The following PRKN variants were observed in gnomAD, a reference collection of about 807,000 sequenced individuals.
PRKN encodes parkin RBR E3 ubiquitin protein ligase.
PRKN carries 56 observed loss-of-function variants against 59.5 expected under a neutral mutation model. The ratio of observed to expected loss-of-function variants is 0.94; its 90% CI spans 0.76 to 1.18. PRKN has a LOEUF of 1.18. PRKN is among the 50% of genes most tolerant of loss of function. PRKN has a pLI of 0.00. For synonymous variants in PRKN, 250 were observed against 222.1 expected (o/e 1.13, Z -1.12); for missense variants, 657 against 596.4 (o/e 1.10, Z -1.06).
At chr6:162,526,901 T>C (rs751307359) in intron 1 of PRKN, among the ~76,000 whole-genome samples, 4 of 152,200 alleles carry the variant, frequency 2.6e-5, no homozygotes, top group Admixed American at 2.0e-4. Flanking sequence ...TTAAGACACA[T>C]TGAAAGATGG....
At chr6:162,078,131 C>T (rs979426296) in intron 4 of PRKN, among the ~76,000 whole-genome samples, 27 of 149,296 alleles carry the variant, frequency 1.8e-4, no homozygotes, top group African/African-American at 6.5e-4. Flanking sequence ...TTTATGTTAA[C>T]AGCTCAAACT....
chr6:161,769,136 A>T (rs576302341), intron 7 of PRKN, among the ~76,000 whole-genome samples: 221 of 152,352 alleles, frequency 1.5e-3, no homozygotes, highest in African/African-American at 4.9e-3. Flanking sequence ...ATTAATGTAG[A>T]AAATGTCAAA....
intron 3 of PRKN, among the ~76,000 whole-genome samples, chr6:162,217,120 T>G (rs2128078303): frequency 6.6e-6 from 1 of 152,232 alleles, no homozygotes. Context: ...CTCTCCTTAA[T>G]CAAGGAAAAT....
chr6:162,147,976 C>T (rs2849573), intron 4 of PRKN, among the ~76,000 whole-genome samples: 9,474 of 152,082 alleles, frequency 0.062, 680 homozygotes, highest in East Asian at 0.4. Context: ...TATTTCTATG[C>T]GAAAAAATTA....
rs372402571 is a variant in PRKN at position 161,696,023 on chromosome 6, T to C, written c.871+89749A>G. Among the ~76,000 whole-genome samples the C allele has an allele frequency of 2.0e-4, 31 of 152,256 alleles. 2 individuals are homozygous for C. The South Asian group carries it at 6.0e-3, about 30-fold the overall frequency. The stretch of plus-strand genomic sequence containing the variant: ...ATAGAACATCCAAGCATTACATACG[T>C]CTCTCATTATTCCAAAGCATTACAT... On this transcript the variant is annotated intron_variant, in intron 7 of 11. Coordinates refer to ENST00000366898, the MANE Select transcript of PRKN (RefSeq NM_004562.3).
At chr6:162,490,423 C>T (rs1792755490) in intron 1 of PRKN, among the ~76,000 whole-genome samples, 1 of 152,112 alleles carries the variant, frequency 6.6e-6, no homozygotes, top group Non-Finnish European at 1.5e-5. Flanking sequence ...ATCATGAATA[C>T]AGTCATCTAT....
chr6:162,360,216 C>T (rs958585811), intron 2 of PRKN, among the ~76,000 whole-genome samples: 1 of 152,020 alleles, frequency 6.6e-6, no homozygotes, highest in African/African-American at 2.4e-5. Flanking sequence ...AGTGTTCTTT[C>T]TAATAGTGCA....
chr6:161,664,011 GCTTC>G (rs2128166463), intron 7 of PRKN, among the ~76,000 whole-genome samples: 1 of 152,280 alleles, frequency 6.6e-6, no homozygotes, highest in South Asian at 2.1e-4. Flanking sequence ...TCTGGGGCCC[GCTTC>G]CACACTGATC....
rs987589243 is a variant in PRKN, at chr6:161,371,190, G to T, written c.1168-10985C>A. ...TTGTTATTTTTTTTTTTGAGACGTT[G>T]TTTCGCTCCTGTTGCCCAGGCTGGA... On this transcript the variant is annotated intron_variant, in intron 10 of 11. Transcript: ENST00000366898. The surrounding 1 kb of genome is among the most constrained non-coding windows in gnomAD (Gnocchi z 5.5). Among the ~76,000 whole-genome samples the T allele has an allele frequency of 1.3e-5, 2 of 151,186 alleles. No homozygotes were observed. The highest frequency in any genetic ancestry group is 4.9e-5 in the African/African-American group (2 of 41,114).
rs187458691 is a variant in PRKN at position 161,750,571 on chromosome 6, C to T, written c.871+35201G>A. On this transcript the variant is annotated intron_variant, in intron 7 of 11. Transcript: ENST00000366898. Reference sequence around the variant, plus strand: ...TCACTTGAGATCAGGAGGTTGAGACCGGCCTGACCAACATGGTGAAAACCC... The same window carrying T: ...TCACTTGAGATCAGGAGGTTGAGACTGGCCTGACCAACATGGTGAAAACCC... Among the ~76,000 whole-genome samples the T allele has an allele frequency of 3.7e-3, 562 of 151,862 alleles. 7 individuals are homozygous for T. The highest frequency in any genetic ancestry group is 0.013 in the African/African-American group (539 of 41,412).
intron 2 of PRKN, among the ~76,000 whole-genome samples, chr6:162,350,936 T>C (rs1487765764): frequency 6.6e-6 from 1 of 152,124 alleles, no homozygotes; most frequent in Non-Finnish European, 1.5e-5. Context: ...AAAGAGGACT[T>C]ATGTCTGTAA....
At chr6:162,430,774 A>G (rs1789484189) in intron 2 of PRKN, among the ~76,000 whole-genome samples, 1 of 152,206 alleles carries the variant, frequency 6.6e-6, no homozygotes, top group African/African-American at 2.4e-5. Context: ...CTCTCTTTAG[A>G]AAAGACCAAA....
chr6:162,412,432 T>G (rs1408232451), intron 2 of PRKN, among the ~76,000 whole-genome samples: 1 of 151,904 alleles, frequency 6.6e-6, no homozygotes, highest in African/African-American at 2.4e-5. Context: ...CGCCTCCCTA[T>G]GCGATGAAAA....
chr6:162,040,852 G>A (rs1490876906), intron 5 of PRKN, among the ~76,000 whole-genome samples: 1 of 151,992 alleles, frequency 6.6e-6, no homozygotes, highest in African/African-American at 2.4e-5. Context: ...TAGTGAGGAA[G>A]AAAAACAACA....
chr6:162,259,196 A>G (rs1779780892), intron 3 of PRKN, among the ~76,000 whole-genome samples: 1 of 152,210 alleles, frequency 6.6e-6, no homozygotes, highest in African/African-American at 2.4e-5. Context: ...TATGTGAAGT[A>G]CGTAAAGAGG....
chr6:162,509,972 C>T (rs545344040), intron 1 of PRKN, among the ~76,000 whole-genome samples: 22 of 152,146 alleles, frequency 1.4e-4, no homozygotes, highest in Admixed American at 5.2e-4. Flanking sequence ...CTTTTATGCC[C>T]GAGAGCTCAC....
chr6:162,036,299 G>A (rs1041227953), intron 5 of PRKN, among the ~76,000 whole-genome samples: 11 of 151,814 alleles, frequency 7.2e-5, no homozygotes, highest in Admixed American at 4.6e-4. Flanking sequence ...ACTCCAGCCT[G>A]GGCAACAGAG....
intron 7 of PRKN, among the ~76,000 whole-genome samples, chr6:161,677,295 A>AG (rs1406101655): frequency 1.6e-4 from 24 of 150,214 alleles, no homozygotes; most frequent in African/African-American, 5.6e-4. Context: ...GTGTTTGGTG[A>AG]GGGGGGTGAA....
intron 1 of PRKN, among the ~76,000 whole-genome samples, chr6:162,723,698 G>A (rs1339514088): frequency 6.6e-6 from 1 of 152,110 alleles, no homozygotes; most frequent in Non-Finnish European, 1.5e-5. Context: ...AACTCAAATT[G>A]TCATACGATT....
Sources: allele counts gnomAD v4.1 joint callset (sites outside exome capture counted in the v4.1 genomes callset), GRCh38; gene constraint gnomAD v4.1.1; non-coding constraint Gnocchi (gnomAD v3.1); transcripts MANE v1.5; gene names NCBI Gene and HGNC (gene_info 2026-07-23, HGNC 2026-07-21).